FBXL14: variants seen among roughly 807,000 people sequenced by gnomAD.
FBXL14 encodes the protein F-box/LRR-repeat protein 14.
In FBXL14, 11 loss-of-function variants were observed where a neutral mutation model predicts 24.5. That is an observed-to-expected ratio of 0.45 (90% CI 0.28 to 0.74). The LOEUF (loss-of-function observed/expected upper bound fraction) is 0.74, where lower values mean the gene tolerates loss of function less well. FBXL14 is among the 30% of genes least tolerant of loss of function. The pLI, the probability that FBXL14 is intolerant of heterozygous loss-of-function variation, is 0.12. For missense variants in FBXL14, 384 were observed against 545.6 expected (o/e 0.70, Z 2.95); for synonymous variants, 294 against 240.4 (o/e 1.22, Z -2.06).
rs563501829 is a variant in FBXL14, at chr12:1,594,574, C to T, written c.-508G>A. On this transcript the variant is annotated 5_prime_UTR_variant, in exon 1 of 2. Transcript: ENST00000339235. Reference sequence around the variant, plus strand: ...CTTCCTGCTGCCTTTGTCTCTCGCCCGCTTTTCAAACCTCCCAGCCCCGGG... The same window carrying T: ...CTTCCTGCTGCCTTTGTCTCTCGCCTGCTTTTCAAACCTCCCAGCCCCGGG... Among the ~76,000 whole-genome samples the T allele has an allele frequency of 1.5e-4, 22 of 148,730 alleles. No homozygotes were observed. Among genetic ancestry groups the T allele is most frequent in the African/African-American group, 4.6e-4 (19 of 41,202 alleles).
chr12:1,584,490 T>TG (rs2094472711), intron 1 of FBXL14, among the ~76,000 whole-genome samples: 1 of 152,068 alleles, frequency 6.6e-6, no homozygotes, highest in African/African-American at 2.4e-5. Context: ...GCTGCCTTCC[T>TG]GGGGGTCATG....
chr12:1,574,511 G>A, intron 1 of FBXL14: 1 of 185,260 alleles, frequency 5.4e-6, no homozygotes, highest in African/African-American at 3.5e-5. Context: ...TGTGGATGGA[G>A]GCTGGGGTGG....
intron 1 of FBXL14, among the ~76,000 whole-genome samples, chr12:1,582,333 C>A (rs1026408756): frequency 1.3e-5 from 2 of 152,030 alleles, no homozygotes; most frequent in African/African-American, 2.4e-5. Flanking sequence ...CCAGTTCTTC[C>A]GAGGAGCAGC....
intron 1 of FBXL14, among the ~76,000 whole-genome samples, chr12:1,578,724 A>G (rs142537331): frequency 6.6e-6 from 1 of 152,254 alleles, no homozygotes; most frequent in East Asian, 1.9e-4. Flanking sequence ...GAAGACTAAA[A>G]TAACGATGAT....
At chr12:1,582,149 AAGG>A (rs146894342) in intron 1 of FBXL14, among the ~76,000 whole-genome samples, 4 of 145,950 alleles carry the variant, frequency 2.7e-5, no homozygotes, top group African/African-American at 5.4e-5. Context: ...GGAAGGAAGG[AAGG>A]AAGGAAAGGA....
chr12:1,583,565 G>A (rs1021557789), intron 1 of FBXL14, among the ~76,000 whole-genome samples: 3 of 152,302 alleles, frequency 2.0e-5, no homozygotes, highest in South Asian at 2.1e-4. Context: ...TACTTTGCGG[G>A]TGCGGGTGAA....
chr12:1,575,877 TCCTC>T (rs933462291), intron 1 of FBXL14, among the ~76,000 whole-genome samples: 25 of 152,140 alleles, frequency 1.6e-4, no homozygotes, highest in African/African-American at 6.0e-4. Context: ...ACTCTGAACT[TCCTC>T]CCTCCGCAGG....
intron 1 of FBXL14, among the ~76,000 whole-genome samples, chr12:1,574,493 A>G (rs12813263): frequency 0.24 from 967 of 3,978 alleles, 155 homozygotes; most frequent in Non-Finnish European, 0.34. Flanking sequence ...GGAGGCTGGC[A>G]GCAGCGGTGT....
chr12:1,589,079 G>A (rs2094482842), intron 1 of FBXL14, among the ~76,000 whole-genome samples: 1 of 151,330 alleles, frequency 6.6e-6, no homozygotes, highest in Non-Finnish European at 1.5e-5. Context: ...CAAGCAGAAG[G>A]GAGCTGGACT....
intron 1 of FBXL14, among the ~76,000 whole-genome samples, chr12:1,574,255 G>C (rs73605874): frequency 3.8e-4 from 56 of 146,612 alleles, no homozygotes; most frequent in African/African-American, 1.3e-3. Context: ...GATGAAACCT[G>C]CCCCCTGAAA....
At chr12:1,581,304 G>A (rs1480743010) in intron 1 of FBXL14, among the ~76,000 whole-genome samples, 1 of 152,156 alleles carries the variant, frequency 6.6e-6, no homozygotes, top group African/African-American at 2.4e-5. Context: ...ATCAGTGTCC[G>A]GGCTGTGTGG....
intron 1 of FBXL14, among the ~76,000 whole-genome samples, chr12:1,588,182 C>A (rs1184806577): frequency 6.6e-6 from 1 of 152,158 alleles, no homozygotes; most frequent in African/African-American, 2.4e-5. Flanking sequence ...GGTTCTTATT[C>A]TTTAGAAACA....
At chr12:1,587,465 G>A (rs2094479358) in intron 1 of FBXL14, 1 of 152,120 alleles carries the variant, frequency 6.6e-6, no homozygotes, top group Non-Finnish European at 1.5e-5. Context: ...CAACTGGAGG[G>A]CTTGGCTTTA....
At chr12:1,577,986 ACTT>A (rs1307237803) in intron 1 of FBXL14, among the ~76,000 whole-genome samples, 1 of 152,142 alleles carries the variant, frequency 6.6e-6, no homozygotes, top group Non-Finnish European at 1.5e-5. Flanking sequence ...AGAAGCTGAT[ACTT>A]CTTTTCTCCG....
intron 1 of FBXL14, among the ~76,000 whole-genome samples, chr12:1,572,153 A>G (rs1253136623): frequency 2.0e-5 from 3 of 152,274 alleles, no homozygotes; most frequent in Non-Finnish European, 4.4e-5. Context: ...TAGGATTTAC[A>G]TGCAGATAGG....
rs751629986 is a variant in FBXL14, at chr12:1,592,985, A to G, written c.1082T>C (p.Ile361Thr). 1 of 1,613,080 alleles carries G rather than the reference A, an allele frequency of 6.2e-7. No individual in the cohort carries two copies. The highest frequency in any genetic ancestry group is 1.1e-5 in the South Asian group (1 of 91,078). Residue 361 changes from isoleucine to threonine, a missense_variant, in exon 1 of 2, where the codon ATA (isoleucine) becomes ACA (threonine). By Grantham distance (89) the Ile-to-Thr change is moderately conservative. Coordinates refer to ENST00000339235, the MANE Select transcript of FBXL14 (RefSeq NM_152441.3). Reference sequence around the variant, plus strand: ...GATTCGGGTGCAGCCGTACAGGTCTATGCCGGTGAGTTGGCTCAGGTGCTC... The same window carrying G: ...GATTCGGGTGCAGCCGTACAGGTCTGTGCCGGTGAGTTGGCTCAGGTGCTC... ...IAEHLSQLTG[I>T]DLYGCTRITK...
At chr12:1,577,174 T>C (rs2094457526) in intron 1 of FBXL14, among the ~76,000 whole-genome samples, 4 of 152,244 alleles carry the variant, frequency 2.6e-5, no homozygotes, top group African/African-American at 7.2e-5. Flanking sequence ...CTGCTCACCA[T>C]AGGCCCTCTG....
intron 1 of FBXL14, among the ~76,000 whole-genome samples, chr12:1,573,857 T>C (rs1473630374): frequency 1.3e-5 from 2 of 152,024 alleles, no homozygotes; most frequent in Non-Finnish European, 2.9e-5. Flanking sequence ...ATAACACAAT[T>C]AGCTGGGCGT....
chr12:1,579,769 A>G lies in FBXL14; in HGVS notation c.1195-12959T>C, dbSNP rs2094462750. On this transcript the variant is annotated intron_variant, in intron 1 of 1. Coordinates refer to ENST00000339235, the MANE Select transcript of FBXL14 (RefSeq NM_152441.3). The surrounding 1 kb of genome is among the most constrained non-coding windows in gnomAD (Gnocchi z 4.3). ...ACAGTCTAATCCTTGATCATTCCAG[A>G]GTGAGTTTAGGAATTTGTAGTCATT... Among the ~76,000 whole-genome samples, 1 of 152,154 alleles carries G rather than the reference A, an allele frequency of 6.6e-6. No homozygotes were observed. The highest frequency in any genetic ancestry group is 1.5e-5 in the Non-Finnish European group (1 of 68,022).
Sources: gnomAD v4.1 joint callset for allele counts (sites outside exome capture counted in the v4.1 genomes callset) on GRCh38, gnomAD v4.1.1 for gene constraint, Gnocchi (gnomAD v3.1) non-coding constraint, MANE v1.5 for transcripts, NCBI Gene and HGNC (gene_info 2026-07-23, HGNC 2026-07-21) for gene names.